ZNF644: variants seen among roughly 807,000 people sequenced by gnomAD.
ZNF644 encodes the protein zinc finger protein 644.
A neutral mutation model predicts 108.0 loss-of-function variants in ZNF644; 20 were observed. That is an observed-to-expected ratio of 0.19 (90% CI 0.13 to 0.27). The LOEUF (loss-of-function observed/expected upper bound fraction) is 0.27, where lower values mean the gene tolerates loss of function less well. Ranked by LOEUF, ZNF644 falls within the 10% of genes least tolerant of loss-of-function variation. The pLI, the probability that ZNF644 is intolerant of heterozygous loss-of-function variation, is 1.00. For missense variants in ZNF644, 1,338 were observed against 1,548.9 expected (o/e 0.86, Z 2.29); for synonymous variants, 542 against 539.1 (o/e 1.01, Z -0.08).
At position 90,997,906 on chromosome 1, in the gene ZNF644, G is replaced by A. The variant is rs115558873; in HGVS notation, c.-17-15536C>T. 2.5e-3 allele frequency among the ~76,000 whole-genome samples: 375 copies of A among 152,310 alleles called. 2 individuals carry two copies. The highest frequency in any genetic ancestry group is 6.8e-3 in the Middle Eastern group (2 of 294). ...GGCACACCAGGAGATTATATCCCTC[G>A]CGTGGCTTGGAGGGTCCCACGCCCA... On this transcript the variant is annotated intron_variant, in intron 1 of 5. Transcript: ENST00000337393.
chr1:90,924,164 C>T lies in ZNF644; in HGVS notation c.3689-6010G>A, dbSNP rs7546513. 8.3e-3 allele frequency among the ~76,000 whole-genome samples: 1,257 copies of T among 152,206 alleles called. 18 individuals carry two copies. The highest frequency in any genetic ancestry group is 0.029 in the African/African-American group (1,187 of 41,528). The stretch of plus-strand genomic sequence containing the variant: ...ATCAGCTTACCCAAAGCTAAAAAAG[C>T]TAACAATATCACAACTACAAGTGGC... On this transcript the variant is annotated intron_variant, in intron 4 of 5. Coordinates refer to ENST00000337393, the MANE Select transcript of ZNF644 (RefSeq NM_201269.3).
At chr1:90,918,179 A>C in intron 4 of ZNF644, 25 bp from the exon 5 acceptor site, 1 of 1,571,994 alleles carries the variant, frequency 6.4e-7, no homozygotes, top group East Asian at 2.2e-5. Flanking sequence ...AGAAAGACTT[A>C]ACATTCCTTA....
chr1:90,972,099 C>T (rs185046052), intron 2 of ZNF644, among the ~76,000 whole-genome samples: 27 of 151,978 alleles, frequency 1.8e-4, no homozygotes, highest in Middle Eastern at 3.4e-3. Context: ...CCAGTGTGGG[C>T]GACACAATGA....
In ZNF644 at chr1:90,938,619, T is replaced by A. The variant is rs1454045083; in HGVS notation, c.2735A>T (p.Gln912Leu). The change falls in exon 3 of 6, where the codon CAA (glutamine) becomes CTA (leucine). Residue 912 changes from glutamine (Q) to leucine (L), a missense_variant. Physicochemically the swap from Gln to Leu is moderately radical, Grantham distance 113 (BLOSUM62 -2). Coordinates refer to ENST00000337393, the MANE Select transcript of ZNF644 (RefSeq NM_201269.3). This position sits in a 1 kb window ranked among gnomAD's most constrained non-coding sequence, Gnocchi z 4.2. ...GTATTCAAAATAAAAGCCATCGTTT[T>A]GGTCATAACTAAGAGTAGCATTTTC... Reference protein sequence around the residue: ...PGENATLSYDQNDGFYFEYYE... With the variant: ...PGENATLSYDLNDGFYFEYYE... 1 of 1,611,608 alleles carries A rather than the reference T, an allele frequency of 6.2e-7. No homozygotes were observed. The highest frequency in any genetic ancestry group is 1.7e-5 in the Admixed American group (1 of 59,660).
intron 2 of ZNF644, among the ~76,000 whole-genome samples, chr1:90,964,134 C>G (rs1280944852): frequency 6.6e-6 from 1 of 151,998 alleles, no homozygotes; most frequent in African/African-American, 2.4e-5. Flanking sequence ...TTTAAAAGGG[C>G]TGCTTGATTT....
intron 2 of ZNF644, among the ~76,000 whole-genome samples, chr1:90,950,086 T>G (rs1349040073): frequency 6.6e-6 from 1 of 151,474 alleles, no homozygotes; most frequent in African/African-American, 2.4e-5. Flanking sequence ...ACGACCAGCC[T>G]GGGCAACATG....
rs182363633 is a variant in ZNF644, at chr1:90,936,914, G to C, written c.3688+571C>G. On this transcript the variant is annotated intron_variant, in intron 4 of 5. Coordinates refer to ENST00000337393, the MANE Select transcript of ZNF644 (RefSeq NM_201269.3). ...ACAAATATGTTTTATGTTCACAACT[G>C]TTCTCCAAAACCAAACTATTCCGCA... Among the ~76,000 whole-genome samples, 697 of 152,240 alleles carry C rather than the reference G, an allele frequency of 4.6e-3. 2 individuals are homozygous for C. The highest frequency in any genetic ancestry group is 7.3e-3 in the Non-Finnish European group (496 of 68,000).
At chr1:90,986,998 A>C (rs553950879) in intron 1 of ZNF644, among the ~76,000 whole-genome samples, 1 of 151,506 alleles carries the variant, frequency 6.6e-6, no homozygotes, top group Non-Finnish European at 1.5e-5. Flanking sequence ...ACAAACCATT[A>C]CGTTATGAGA....
intron 2 of ZNF644, among the ~76,000 whole-genome samples, chr1:90,955,554 T>G (rs1653673047): frequency 6.6e-6 from 1 of 152,238 alleles, no homozygotes; most frequent in South Asian, 2.1e-4. Flanking sequence ...GCTGCATCAC[T>G]TTGAGCTTTT....
In ZNF644 at chr1:90,940,740, T is replaced by C; in HGVS notation, c.614A>G (p.Gln205Arg). 1.2e-6 allele frequency: 2 copies of C among 1,614,054 alleles called. No individual in the cohort carries two copies. The highest frequency in any genetic ancestry group is 1.7e-6 in the Non-Finnish European group (2 of 1,179,980). The change falls in exon 3 of 6, where the codon CAG becomes CGG. Residue 205 changes from glutamine (Q) to arginine (R), a missense_variant. Around this residue, in one of 6 missense-constraint regions of ZNF644, gnomAD observed 464 missense variants for 457.9 expected, o/e 1.01. Coordinates refer to ENST00000337393, the MANE Select transcript of ZNF644 (RefSeq NM_201269.3). ...PTSASVGCDI[Q>R]NSVGSNIKSD... ...CTTTATATTACTCCCTACTGAATTC[T>C]GAATGTCACAACCAACTGAAGCAGA... is the stretch of plus-strand genomic sequence containing the variant.
chr1:90,970,362 G>A (rs1655329339), intron 2 of ZNF644, among the ~76,000 whole-genome samples: 1 of 152,118 alleles, frequency 6.6e-6, no homozygotes, highest in Admixed American at 6.5e-5. Flanking sequence ...TAAGAACCTA[G>A]CTGTGCTTCA....
At position 90,937,501 on chromosome 1, in the gene ZNF644, G is replaced by C. The variant is rs1338002833; in HGVS notation, c.3672C>G (p.Asp1224Glu). 1 of 1,613,746 alleles carries C rather than the reference G, an allele frequency of 6.2e-7. No homozygotes were observed. Among genetic ancestry groups the C allele is most frequent in the Non-Finnish European group, 8.5e-7 (1 of 1,179,710 alleles). Reference sequence around the variant, plus strand: ...TCCTCTTACCTGAGTGCATAGTCAAGTCCATTTTTTGTGGCTGATACATCA... The same window carrying C: ...TCCTCTTACCTGAGTGCATAGTCAACTCCATTTTTTGTGGCTGATACATCA... The part of the protein sequence containing the change: ...SPLMYQPQKM[D>E]LTMHSALDCK... Residue 1224 changes from aspartate (D) to glutamate (E), a missense_variant, in exon 4 of 6, where the codon GAC becomes GAG. By Grantham distance (45) the Asp-to-Glu change is conservative (BLOSUM62 2). Coordinates refer to ENST00000337393, the MANE Select transcript of ZNF644 (RefSeq NM_201269.3).
At chr1:90,977,028 T>C (rs1422017014) in intron 2 of ZNF644, among the ~76,000 whole-genome samples, 1 of 151,664 alleles carries the variant, frequency 6.6e-6, no homozygotes, top group East Asian at 1.9e-4. Flanking sequence ...TTAAGTTTTC[T>C]AGAATTAAAT....
chr1:90,987,315 A>C (rs1657207366), intron 1 of ZNF644, among the ~76,000 whole-genome samples: 1 of 151,116 alleles, frequency 6.6e-6, no homozygotes, highest in South Asian at 2.1e-4. Flanking sequence ...GACTAAGAAA[A>C]AGAGAAGACT....
intron 2 of ZNF644, among the ~76,000 whole-genome samples, chr1:90,977,321 T>TA (rs1379771342): frequency 6.6e-6 from 1 of 152,018 alleles, no homozygotes; most frequent in Admixed American, 6.6e-5. Flanking sequence ...ATATTTATCC[T>TA]AAAAAAATAG....
In ZNF644 at chr1:90,940,206, A is replaced by C. The variant is rs1336972765; in HGVS notation, c.1148T>G (p.Leu383Arg). 6.2e-7 allele frequency: 1 copy of C among 1,614,062 alleles called. No individual in the cohort carries two copies. The highest frequency in any genetic ancestry group is 2.2e-5 in the East Asian group (1 of 44,878). ...ESSPVHTSTFLSNTLKKKCEE... is the reference protein window; with the variant it reads ...ESSPVHTSTFRSNTLKKKCEE... ...ACATTTCTTTTTTAAGGTATTTGAAAGAAAAGTGCTAGTATGAACAGGTGA... is the reference window on the plus strand; with the variant it reads ...ACATTTCTTTTTTAAGGTATTTGAACGAAAAGTGCTAGTATGAACAGGTGA... Residue 383 changes from leucine (L) to arginine (R), a missense_variant, in exon 3 of 6, where the codon CTT becomes CGT. Around this residue, in one of 6 missense-constraint regions of ZNF644, gnomAD observed 464 missense variants for 457.9 expected, o/e 1.01. Transcript: ENST00000337393.
At chr1:91,012,996 G>A (rs1660100507) in intron 1 of ZNF644, among the ~76,000 whole-genome samples, 1 of 152,024 alleles carries the variant, frequency 6.6e-6, no homozygotes, top group Admixed American at 6.6e-5. Context: ...GATCGACTAG[G>A]CTTTGTTAGG....
intron 1 of ZNF644, among the ~76,000 whole-genome samples, chr1:90,990,700 A>G (rs897060143): frequency 1.3e-5 from 2 of 152,200 alleles, no homozygotes; most frequent in South Asian, 4.1e-4. Flanking sequence ...CTCTGTGTGG[A>G]AACTATCCAA....
chr1:90,936,444 A>G (rs1651333239), intron 4 of ZNF644, among the ~76,000 whole-genome samples: 1 of 152,132 alleles, frequency 6.6e-6, no homozygotes, highest in South Asian at 2.1e-4. Flanking sequence ...AAGCTCATAC[A>G]AGATAAACTG....
Sources: allele counts gnomAD v4.1 joint callset (sites outside exome capture counted in the v4.1 genomes callset), GRCh38; gene constraint gnomAD v4.1.1; regional missense constraint gnomAD v4.1.1; non-coding constraint Gnocchi (gnomAD v3.1); transcripts MANE v1.5; gene names NCBI Gene and HGNC (gene_info 2026-07-23, HGNC 2026-07-21).